PAPSS2: variants seen among roughly 807,000 people sequenced by gnomAD.
PAPSS2 encodes 3'-phosphoadenosine 5'-phosphosulfate synthase 2.
PAPSS2 carries 61 observed loss-of-function variants against 66.5 expected under a neutral mutation model. That is an observed-to-expected ratio of 0.92 (90% confidence interval 0.75 to 1.14). The LOEUF is 1.14. Among genes scored for constraint, PAPSS2 ranks in the 50% most tolerant of loss-of-function variants. The probability of loss-of-function intolerance (pLI) is 0.00; values close to 1 mark genes in which losing one functional copy is unlikely to be tolerated. For synonymous variants in PAPSS2, 289 were observed against 287.5 expected (o/e 1.01, Z -0.05); for missense variants, 708 against 789.6 (o/e 0.90, Z 1.24).
At position 87,701,376 on chromosome 10, in the gene PAPSS2, CTT is replaced by C. The variant is rs1453585260; in HGVS notation, c.28-7818_28-7817del. 4.2e-3 allele frequency among the ~76,000 whole-genome samples: 375 copies of C among 88,390 alleles called. 1 individual carries two copies. Among genetic ancestry groups the C allele is most frequent in the African/African-American group, 9.0e-3 (168 of 18,714 alleles). The allele number at this position is 88,390 out of a possible 152,430, so 58.0% of individuals were successfully genotyped here. The stretch of plus-strand genomic sequence containing the variant: ...TCTTTCTTTCTTTCTTTCTTTCTTT[CTT>C]TCTTTCTTTCTTTCTTTCTCTTTCT... On this transcript the variant is annotated intron_variant, in intron 1 of 12. Transcript: ENST00000456849.
At chr10:87,676,761 A>G (rs1852952615) in intron 1 of PAPSS2, among the ~76,000 whole-genome samples, 1 of 151,840 alleles carries the variant, frequency 6.6e-6, no homozygotes, top group Admixed American at 6.6e-5. Flanking sequence ...AGACACAGCT[A>G]CTTGGCAGGC....
At chr10:87,697,964 G>A (rs1853255566) in intron 1 of PAPSS2, among the ~76,000 whole-genome samples, 1 of 152,226 alleles carries the variant, frequency 6.6e-6, no homozygotes, top group Admixed American at 6.5e-5. Context: ...TCTGAATGAT[G>A]CTTGCAAACT....
rs1409885543 is a variant in PAPSS2 at position 87,663,897 on chromosome 10, T to C, written c.27+3889T>C. Among the ~76,000 whole-genome samples the C allele has an allele frequency of 2.0e-5, 3 of 152,214 alleles. No homozygotes were observed. The East Asian group carries it at 5.8e-4, about 29-fold the overall frequency. ...AAAAAACAGCACACATCATACTGTT[T>C]TGAAGACTCAGTAAATGACAACAGC... On this transcript the variant is annotated intron_variant, in intron 1 of 12. Coordinates refer to ENST00000456849, the MANE Select transcript of PAPSS2 (RefSeq NM_001015880.2).
chr10:87,695,383 C>A (rs188849457), intron 1 of PAPSS2, among the ~76,000 whole-genome samples: 125 of 152,258 alleles, frequency 8.2e-4, no homozygotes, highest in Non-Finnish European at 6.0e-4. Flanking sequence ...TTATGTTTTT[C>A]ACAAGCGAAT....
At chr10:87,728,913 C>T (rs961964988) in intron 9 of PAPSS2, among the ~76,000 whole-genome samples, 1 of 152,116 alleles carries the variant, frequency 6.6e-6, no homozygotes, top group African/African-American at 2.4e-5. Flanking sequence ...TCTATCTGAA[C>T]ACAAAAGGTC....
intron 1 of PAPSS2, among the ~76,000 whole-genome samples, chr10:87,701,716 C>T (rs1176084356): frequency 6.6e-6 from 1 of 152,140 alleles, no homozygotes; most frequent in African/African-American, 2.4e-5. Context: ...TGAGTCACCG[C>T]ACCCAGCCCA....
chr10:87,733,946 G>A (rs1343229618), intron 9 of PAPSS2, among the ~76,000 whole-genome samples: 3 of 151,724 alleles, frequency 2.0e-5, no homozygotes, highest in Non-Finnish European at 4.4e-5. Flanking sequence ...TTCTCCCCTT[G>A]TCCATTCAGT....
rs182082729 is a variant in PAPSS2, at chr10:87,741,609, G to T, written c.1222+239G>T. Among the ~76,000 whole-genome samples, 3 of 152,246 alleles carry T rather than the reference G, an allele frequency of 2.0e-5. No homozygotes were observed. The East Asian group carries it at 5.8e-4, about 29-fold the overall frequency. On this transcript the variant is annotated intron_variant, in intron 10 of 12. Coordinates refer to ENST00000456849, the MANE Select transcript of PAPSS2 (RefSeq NM_001015880.2). ...AGGGTTTCAACATGTTGGTCAGGCTGGTCTCAAACTCCTGACCTCAGGTGA... is the reference window on the plus strand; with the variant it reads ...AGGGTTTCAACATGTTGGTCAGGCTTGTCTCAAACTCCTGACCTCAGGTGA...
At chr10:87,660,078 C>T (rs964282171) in intron 1 of PAPSS2, 70 bp downstream of exon 1, 3 of 1,499,168 alleles carry the variant, frequency 2.0e-6, no homozygotes, top group African/African-American at 2.7e-5. Flanking sequence ...CCCCCAATTC[C>T]CCGGCACTTG....
At chr10:87,663,503 C>T (rs992247900) in intron 1 of PAPSS2, among the ~76,000 whole-genome samples, 1 of 152,124 alleles carries the variant, frequency 6.6e-6, no homozygotes, top group Non-Finnish European at 1.5e-5. Flanking sequence ...GGACAAAAAG[C>T]ATTTCCTAGA....
intron 1 of PAPSS2, among the ~76,000 whole-genome samples, chr10:87,677,181 G>A (rs923344244): frequency 3.9e-5 from 6 of 152,058 alleles, no homozygotes; most frequent in Admixed American, 2.6e-4. Flanking sequence ...GCAACAGAGC[G>A]AGACTCCATC....
intron 1 of PAPSS2, among the ~76,000 whole-genome samples, chr10:87,663,419 A>G (rs1852779451): frequency 6.6e-6 from 1 of 152,058 alleles, no homozygotes; most frequent in African/African-American, 2.4e-5. Flanking sequence ...GCCAGAAGTA[A>G]TTACTTTTAA....
intron 7 of PAPSS2, among the ~76,000 whole-genome samples, chr10:87,717,110 A>G (rs889562187): frequency 6.6e-5 from 10 of 152,100 alleles, no homozygotes; most frequent in Admixed American, 6.6e-5. Context: ...GTCTTTTCCA[A>G]TAGAATCTAC....
chr10:87,699,872 C>A (rs1853281174), intron 1 of PAPSS2, among the ~76,000 whole-genome samples: 1 of 149,248 alleles, frequency 6.7e-6, no homozygotes, highest in Non-Finnish European at 1.5e-5. Flanking sequence ...TTGAGAAATT[C>A]TTTATATTTT....
chr10:87,683,739 G>C, intron 1 of PAPSS2, among the ~76,000 whole-genome samples: 1 of 151,380 alleles, frequency 6.6e-6, no homozygotes, highest in South Asian at 2.1e-4. Flanking sequence ...ACCCAGGCTG[G>C]AATACAGTGG....
chr10:87,674,198 T>C (rs1371348125), intron 1 of PAPSS2, among the ~76,000 whole-genome samples: 2 of 152,220 alleles, frequency 1.3e-5, no homozygotes, highest in African/African-American at 2.4e-5. Context: ...GAAGTCTTGC[T>C]CTGTCTCCCA....
At chr10:87,672,960 C>T (rs1440489724) in intron 1 of PAPSS2, among the ~76,000 whole-genome samples, 4 of 152,234 alleles carry the variant, frequency 2.6e-5, no homozygotes, top group Non-Finnish European at 2.9e-5. Context: ...TTCGTTTACA[C>T]ATTGTGGCTT....
At chr10:87,744,936 T>G (rs1028996651) in intron 11 of PAPSS2, 66 bp from the exon 12 acceptor site, 1 of 1,342,216 alleles carries the variant, frequency 7.5e-7, no homozygotes, top group African/African-American at 1.4e-5. Flanking sequence ...TAAAGGTGTC[T>G]CCATAAACCA....
At chr10:87,734,938 C>A (rs748845907) in intron 9 of PAPSS2, among the ~76,000 whole-genome samples, 1 of 151,632 alleles carries the variant, frequency 6.6e-6, no homozygotes, top group Non-Finnish European at 1.5e-5. Context: ...TTGAGTCTTC[C>A]TCTCCTTGGC....
Sources: gnomAD v4.1 joint callset for allele counts (sites outside exome capture counted in the v4.1 genomes callset) on GRCh38, gnomAD v4.1.1 for gene constraint, MANE v1.5 for transcripts, NCBI Gene and HGNC (gene_info 2026-07-23, HGNC 2026-07-21) for gene names.